SERPINI1: variants seen among roughly 807,000 people sequenced by gnomAD.
SERPINI1 encodes serpin family I member 1.
SERPINI1 carries 19 observed loss-of-function variants against 41.1 expected under a neutral mutation model. The observed-to-expected ratio is 0.46, with a 90% CI of 0.32 to 0.68. The LOEUF (loss-of-function observed/expected upper bound fraction) is 0.68. Ranked by LOEUF, SERPINI1 falls within the 30% of genes least tolerant of loss-of-function variation. The probability of loss-of-function intolerance (pLI) is 0.03; values close to 1 mark genes in which losing one functional copy is unlikely to be tolerated. For missense variants in SERPINI1, 460 were observed against 479.2 expected (o/e 0.96, Z 0.37); for synonymous variants, 138 against 156.6 (o/e 0.88, Z 0.89).
rs10663160 is a variant in SERPINI1 at position 167,757,508 on chromosome 3, T to TCACA, written c.-19+21686_-19+21687insACAC. 1.9e-3 allele frequency among the ~76,000 whole-genome samples: 290 copies of TCACA among 151,216 alleles called. 3 individuals carry two copies. The highest frequency in any genetic ancestry group is 5.2e-3 in the African/African-American group (215 of 41,146). On this transcript the variant is annotated intron_variant, in intron 1 of 8. Transcript: ENST00000446050. ...CCTCAATTAGTGAGATCTCTCTCTCTCTCACACACACACACACACACACAA... is the reference window on the plus strand; with the variant it reads ...CCTCAATTAGTGAGATCTCTCTCTCTCACACTCACACACACACACACACACACAA...
intron 5 of SERPINI1, 126 bp downstream of exon 5, chr3:167,794,950 G>T (rs1002948508): frequency 1.4e-6 from 1 of 719,146 alleles, no homozygotes; most frequent in Non-Finnish European, 2.4e-6. Flanking sequence ...TCTTATTCTT[G>T]TTCTTCTCCT....
At chr3:167,762,210 T>C (rs1284533604) in intron 1 of SERPINI1, among the ~76,000 whole-genome samples, 6 of 152,076 alleles carry the variant, frequency 3.9e-5, no homozygotes, top group Non-Finnish European at 4.4e-5. Context: ...TTGTCGGTGC[T>C]TCTCTATAAG....
At chr3:167,753,147 C>T (rs893340697) in intron 1 of SERPINI1, among the ~76,000 whole-genome samples, 10 of 151,822 alleles carry the variant, frequency 6.6e-5, no homozygotes, top group East Asian at 3.9e-4. Flanking sequence ...TATTGGATGT[C>T]GATGCTTGAG....
At chr3:167,821,985 G>A (rs78822092) in intron 6 of SERPINI1, among the ~76,000 whole-genome samples, 2 of 152,116 alleles carry the variant, frequency 1.3e-5, no homozygotes, top group Non-Finnish European at 1.5e-5. Context: ...CAGCTGATTG[G>A]ATGAGGCCTA....
chr3:167,824,775 A>G (rs143440701), intron 8 of SERPINI1, among the ~76,000 whole-genome samples: 1 of 152,254 alleles, frequency 6.6e-6, no homozygotes, highest in East Asian at 1.9e-4. Context: ...GAGGTGGCTC[A>G]GACTTTAATC....
At chr3:167,823,447 CA>C (rs1712408780) in intron 7 of SERPINI1, among the ~76,000 whole-genome samples, 1 of 152,102 alleles carries the variant, frequency 6.6e-6, no homozygotes, top group Non-Finnish European at 1.5e-5. Flanking sequence ...ATTTTGTCAG[CA>C]AAAAGTTCTT....
intron 1 of SERPINI1, among the ~76,000 whole-genome samples, chr3:167,759,402 A>G (rs556343784): frequency 2.2e-4 from 27 of 122,108 alleles, no homozygotes; most frequent in African/African-American, 7.1e-4. Flanking sequence ...AAAATGTGGT[A>G]TATATATATA....
chr3:167,758,045 A>G (rs1726246584), intron 1 of SERPINI1, among the ~76,000 whole-genome samples: 1 of 152,266 alleles, frequency 6.6e-6, no homozygotes. Flanking sequence ...ACAAATCCCT[A>G]TGCAACAGAC....
intron 6 of SERPINI1, among the ~76,000 whole-genome samples, chr3:167,815,904 C>A (rs1405401110): frequency 6.6e-6 from 1 of 151,950 alleles, no homozygotes; most frequent in Non-Finnish European, 1.5e-5. Flanking sequence ...TCTCCTTACT[C>A]TTTTACTCAA....
intron 5 of SERPINI1, among the ~76,000 whole-genome samples, chr3:167,797,591 C>G (rs1727755222): frequency 1.3e-5 from 2 of 152,006 alleles, no homozygotes; most frequent in Non-Finnish European, 2.9e-5. Context: ...ATTTTCTTGT[C>G]TATATACAAA....
In SERPINI1 at chr3:167,807,276, A is replaced by T. The variant is rs756818970; in HGVS notation, c.914A>T (p.Asp305Val). The change falls in exon 6 of 9, where the codon GAT becomes GTT. Residue 305 changes from aspartate to valine, a missense_variant. Coordinates refer to ENST00000446050, the MANE Select transcript of SERPINI1 (RefSeq NM_001122752.2). ...FTVEQEIDLK[D>V]VLKALGITEI... ...GTGGAACAGGAAATTGATTTAAAAG[A>T]TGTTTTGAAGGCTCTTGGAATAACT... 27 of 1,612,742 alleles carry T rather than the reference A, an allele frequency of 1.7e-5. No homozygotes were observed. The highest frequency in any genetic ancestry group is 3.3e-4 in the Middle Eastern group (2 of 6,070).
chr3:167,805,360 G>A (rs1274705203), intron 5 of SERPINI1, among the ~76,000 whole-genome samples: 2 of 152,112 alleles, frequency 1.3e-5, no homozygotes, highest in Non-Finnish European at 2.9e-5. Context: ...AGAAATGTCT[G>A]TTCATATCCT....
At chr3:167,806,985 T>C (rs1162776859) in intron 5 of SERPINI1, among the ~76,000 whole-genome samples, 3 of 152,222 alleles carry the variant, frequency 2.0e-5, no homozygotes, top group African/African-American at 7.2e-5. Context: ...ACTCATTTGT[T>C]GTACCATATA....
chr3:167,756,216 G>A (rs754327860), intron 1 of SERPINI1, among the ~76,000 whole-genome samples: 58 of 152,148 alleles, frequency 3.8e-4, no homozygotes, highest in Non-Finnish European at 6.8e-4. Flanking sequence ...ACACTTTACT[G>A]AAGCTATGTA....
In SERPINI1 at chr3:167,789,264, A is replaced by G. The variant is rs1398743763; in HGVS notation, c.136A>G (p.Ile46Val). 3 of 1,614,176 alleles carry G rather than the reference A, an allele frequency of 1.9e-6. No individual in the cohort carries two copies. The South Asian group carries it at 3.3e-5, about 18-fold the overall frequency. ...TAGAGCCACTGGTGAAGATGAAAAT[A>G]TTCTCTTCTCTCCATTGAGTATTGC... The part of the protein sequence containing the change: ...RLRATGEDEN[I>V]LFSPLSIALA... The change falls in exon 2 of 9, where the codon ATT becomes GTT. Residue 46 changes from isoleucine to valine, a missense_variant. Physicochemically the swap from Ile to Val is conservative, Grantham distance 29. Transcript: ENST00000446050.
At chr3:167,740,709 C>T (rs191141756) in intron 1 of SERPINI1, among the ~76,000 whole-genome samples, 36 of 152,226 alleles carry the variant, frequency 2.4e-4, no homozygotes, top group East Asian at 1.9e-3. Context: ...CAAACTTGCG[C>T]GCGCGCTTGT....
chr3:167,748,928 G>T lies in SERPINI1; in HGVS notation c.-19+13105G>T, dbSNP rs540514960. Among the ~76,000 whole-genome samples, 3 of 152,018 alleles carry T rather than the reference G, an allele frequency of 2.0e-5. No individual in the cohort carries two copies. In the East Asian group the frequency reaches 5.8e-4, roughly 29 times the overall value. On this transcript the variant is annotated intron_variant, in intron 1 of 8. Coordinates refer to ENST00000446050, the MANE Select transcript of SERPINI1 (RefSeq NM_001122752.2). ...GTTTGTTACCACTAGTTTGGGATAC[G>T]GGAGAAACTGATGAAGAGGAGTAAG...
chr3:167,822,494 T>G (rs1712367838), intron 6 of SERPINI1, among the ~76,000 whole-genome samples: 2 of 152,158 alleles, frequency 1.3e-5, no homozygotes, highest in Non-Finnish European at 2.9e-5. Flanking sequence ...TTTCATAAAT[T>G]TACATTATGA....
chr3:167,749,073 C>A (rs753546890), intron 1 of SERPINI1, among the ~76,000 whole-genome samples: 2 of 152,056 alleles, frequency 1.3e-5, no homozygotes, highest in Non-Finnish European at 2.9e-5. Context: ...TATGTACATT[C>A]AGTTTGCTTC....
Sources: gnomAD v4.1 joint callset for allele counts (sites outside exome capture counted in the v4.1 genomes callset) on GRCh38, gnomAD v4.1.1 for gene constraint, MANE v1.5 for transcripts, NCBI Gene and HGNC (gene_info 2026-07-23, HGNC 2026-07-21) for gene names.